Variants in ATP2C2 observed in about 807,000 individuals in gnomAD.
The protein encoded by ATP2C2 is calcium-transporting ATPase type 2C member 2.
Under a neutral mutation model 110.8 loss-of-function variants are expected in ATP2C2, and 171 were observed. The observed-to-expected ratio is 1.54, with a 90% CI of 1.36 to 1.75. The LOEUF is 1.75. Among genes scored for constraint, ATP2C2 ranks in the 40% most tolerant of loss-of-function variants. The probability of loss-of-function intolerance (pLI) is 0.00; values close to 1 mark genes in which losing one functional copy is unlikely to be tolerated. For missense variants in ATP2C2, 1,963 were observed against 1,235.0 expected, an observed-to-expected ratio of 1.59 and a Z score of -8.84; for synonymous variants, 804 against 508.4, an observed-to-expected ratio of 1.58 and a Z score of -7.82.
chr16:84,391,113 C>CAAAAA (rs567509863), intron 1 of ATP2C2, among the ~76,000 whole-genome samples: 1,764 of 72,738 alleles, frequency 0.024, 116 homozygotes, highest in African/African-American at 0.092. Context: ...GACTCAGACT[C>CAAAAA]AAAAAAAAAA....
chr16:84,412,492 ATG>A (rs1906448304), intron 6 of ATP2C2, among the ~76,000 whole-genome samples: 1 of 116,298 alleles, frequency 8.6e-6, no homozygotes, highest in Admixed American at 9.1e-5. Flanking sequence ...GTATGTGTGC[ATG>A]TGTGTATATG....
In ATP2C2 at chr16:84,460,556, G is replaced by C. The variant is rs756044312; in HGVS notation, c.2334-98G>C. Reference sequence around the variant, plus strand: ...CAGCAAATGCCTGGCCCTGCCCCCTGTGCCAACTTGGCCTGGGAGGCTCAG... The same window carrying C: ...CAGCAAATGCCTGGCCCTGCCCCCTCTGCCAACTTGGCCTGGGAGGCTCAG... On this transcript the variant is annotated intron_variant, in intron 23 of 26. Coordinates refer to ENST00000262429, the MANE Select transcript of ATP2C2 (RefSeq NM_014861.4). 5 of 1,564,160 alleles carry C rather than the reference G, an allele frequency of 3.2e-6. No homozygotes were observed. In the East Asian group the frequency reaches 9.0e-5, roughly 28 times the overall value.
chr16:84,425,796 G>A lies in ATP2C2; in HGVS notation c.981G>A (p.Gly327=). 6.2e-7 allele frequency: 1 copy of A among 1,614,034 alleles called. No individual in the cohort carries two copies. The highest frequency in any genetic ancestry group is 8.5e-7 in the Non-Finnish European group (1 of 1,180,006). Residue 327 remains glycine, a synonymous_variant, in exon 11 of 27, where the codon GGG becomes GGA. Coordinates refer to ENST00000262429, the MANE Select transcript of ATP2C2 (RefSeq NM_014861.4). ...GKQLLSMFTI[G]VSLAVAAIPE... Reference sequence around the variant, plus strand: ...AACTCCTGAGTATGTTCACGATCGGGGTCAGGTAAGAGTGCTATGGCCGCC... The same window carrying A: ...AACTCCTGAGTATGTTCACGATCGGAGTCAGGTAAGAGTGCTATGGCCGCC...
intron 7 of ATP2C2, among the ~76,000 whole-genome samples, chr16:84,421,970 G>A (rs1387838561): frequency 6.6e-6 from 1 of 152,106 alleles, no homozygotes. Context: ...TGGTGTTACT[G>A]TTGCCTTAGA....
chr16:84,453,019 C>T (rs1910437168), intron 18 of ATP2C2, 119 bp from the exon 19 acceptor site: 3 of 1,036,774 alleles, frequency 2.9e-6, no homozygotes, highest in Non-Finnish European at 4.3e-6. Flanking sequence ...GGTAGGTCCT[C>T]AGTAAACCGT....
intron 1 of ATP2C2, among the ~76,000 whole-genome samples, chr16:84,387,128 CT>C (rs952113757): frequency 7.5e-6 from 1 of 133,842 alleles, no homozygotes; most frequent in Non-Finnish European, 1.7e-5. Context: ...GAACCTGAGA[CT>C]GCGATAACCC....
At position 84,421,257 on chromosome 16, in the gene ATP2C2, A is replaced by G. The variant is rs184712422; in HGVS notation, c.625-1133A>G. Among the ~76,000 whole-genome samples, 708 of 152,306 alleles carry G rather than the reference A, an allele frequency of 4.6e-3. 5 individuals are homozygous for G. The highest frequency in any genetic ancestry group is 0.016 in the African/African-American group (680 of 41,562). ...GGAGCCACAGGGAGGTGGGAATGTG[A>G]CTGCGCAGCCGGAGGCCTCGCCTCC... On this transcript the variant is annotated intron_variant, in intron 7 of 26. Coordinates refer to ENST00000262429, the MANE Select transcript of ATP2C2 (RefSeq NM_014861.4).
chr16:84,452,989 G>C (rs551075801), intron 18 of ATP2C2, 149 bp from the exon 19 acceptor site: 7 of 737,180 alleles, frequency 9.5e-6, no homozygotes, highest in African/African-American at 5.3e-5. Flanking sequence ...CCTGTGGATA[G>C]AACCGAGGCC....
At chr16:84,410,924 G>A in intron 6 of ATP2C2, 159 bp downstream of exon 6, 1 of 687,446 alleles carries the variant, frequency 1.5e-6, no homozygotes, top group Non-Finnish European at 2.5e-6. Flanking sequence ...CTGCCAATAG[G>A]TCGCTGTGTG....
intron 11 of ATP2C2, among the ~76,000 whole-genome samples, chr16:84,428,781 G>C (rs1373918133): frequency 6.6e-6 from 1 of 152,084 alleles, no homozygotes; most frequent in African/African-American, 2.4e-5. Flanking sequence ...TTTTCAATAG[G>C]AAAAGAAGAA....
At chr16:84,390,754 C>T (rs985172299) in intron 1 of ATP2C2, among the ~76,000 whole-genome samples, 30 of 152,126 alleles carry the variant, frequency 2.0e-4, no homozygotes, top group African/African-American at 6.8e-4. Flanking sequence ...GAACTGCATG[C>T]TCTAAAACAG....
chr16:84,418,695 C>A (rs983338862), intron 7 of ATP2C2, among the ~76,000 whole-genome samples: 1 of 152,208 alleles, frequency 6.6e-6, no homozygotes, highest in East Asian at 1.9e-4. Context: ...TCTAGCTCCG[C>A]AGCCCATGTC....
intron 1 of ATP2C2, among the ~76,000 whole-genome samples, chr16:84,385,895 TG>T (rs1904312376): frequency 1.3e-5 from 2 of 152,222 alleles, no homozygotes; most frequent in East Asian, 3.8e-4. Context: ...AAATGAGATT[TG>T]GGTGGGGACA....
intron 13 of ATP2C2, 112 bp from the exon 14 acceptor site, chr16:84,440,745 C>G: frequency 5.3e-6 from 4 of 760,674 alleles, no homozygotes. Context: ...AAGCCCTGTC[C>G]ACGTTTAGGA....
intron 16 of ATP2C2, among the ~76,000 whole-genome samples, chr16:84,448,126 T>C (rs1209072335): frequency 6.6e-6 from 1 of 151,754 alleles, no homozygotes; most frequent in African/African-American, 2.4e-5. Context: ...GTGCTGGGGG[T>C]GGGTACAAAA....
At chr16:84,434,905 G>A (rs1418655944) in intron 11 of ATP2C2, among the ~76,000 whole-genome samples, 1 of 152,204 alleles carries the variant, frequency 6.6e-6, no homozygotes, top group African/African-American at 2.4e-5. Flanking sequence ...CCTGCCATAT[G>A]GGATGAAAGT....
rs1174695234 is a variant in ATP2C2, at chr16:84,422,554, A to T, written c.774+15A>T. Reference sequence around the variant, plus strand: ...GGAGGGGCCAGGTAAGCCCTGGGACACCGAGGCCTTGGGCTCCCGTAACCC... The same window carrying T: ...GGAGGGGCCAGGTAAGCCCTGGGACTCCGAGGCCTTGGGCTCCCGTAACCC... On this transcript the variant is annotated intron_variant, in intron 8 of 26. Transcript: ENST00000262429. 2 of 1,612,830 alleles carry T rather than the reference A, an allele frequency of 1.2e-6. No homozygotes were observed. The highest frequency in any genetic ancestry group is 2.2e-5 in the South Asian group (2 of 91,006).
intron 11 of ATP2C2, among the ~76,000 whole-genome samples, chr16:84,426,248 G>T (rs1346543982): frequency 6.6e-6 from 1 of 152,072 alleles, no homozygotes; most frequent in African/African-American, 2.4e-5. Flanking sequence ...GAGGGAGGAA[G>T]GGGAGATGCC....
intron 7 of ATP2C2, among the ~76,000 whole-genome samples, chr16:84,416,755 G>GC: frequency 6.6e-6 from 1 of 152,234 alleles, no homozygotes; most frequent in East Asian, 1.9e-4. Flanking sequence ...ATCCTCTGTG[G>GC]CCCCCGCCTC....
Sources: allele counts gnomAD v4.1 joint callset (sites outside exome capture counted in the v4.1 genomes callset), GRCh38; gene constraint gnomAD v4.1.1; transcripts MANE v1.5; gene names NCBI Gene and HGNC (gene_info 2026-07-23, HGNC 2026-07-21).